FAM135B: variants seen among roughly 807,000 people sequenced by gnomAD.
The protein encoded by FAM135B is family with sequence similarity 135 member B, also known as protein FAM135B.
Under a neutral mutation model 127.7 loss-of-function variants are expected in FAM135B, and 43 were observed. The ratio of observed to expected loss-of-function variants is 0.34; its 90% CI spans 0.26 to 0.43. The LOEUF is 0.43. Among genes scored for constraint, FAM135B ranks in the 20% least tolerant of loss-of-function variants. FAM135B has a pLI of 1.00. For missense variants in FAM135B, 1,558 were observed against 1,725.6 expected (o/e 0.90, Z 1.72); for synonymous variants, 670 against 665.1 (o/e 1.01, Z -0.11).
intron 12 of FAM135B, among the ~76,000 whole-genome samples, chr8:138,158,092 A>G (rs1026360588): frequency 1.3e-5 from 2 of 152,228 alleles, no homozygotes; most frequent in East Asian, 1.9e-4. Flanking sequence ...TACTGGTACT[A>G]AAACAGAGAT....
At position 138,171,987 on chromosome 8, in the gene FAM135B, G is replaced by A. The variant is rs147809552; in HGVS notation, c.1104-3938C>T. 4.9e-3 allele frequency among the ~76,000 whole-genome samples: 747 copies of A among 152,286 alleles called. 2 individuals carry two copies. The highest frequency in any genetic ancestry group is 0.014 in the African/African-American group (594 of 41,558). ...GAGTGTAGCTGGGTGCATGCATGGT[G>A]CATATATGGGAATGTTATTGCTGCA... On this transcript the variant is annotated intron_variant, in intron 11 of 19. Transcript: ENST00000395297.
chr8:138,142,130 A>G (rs1263454448), intron 16 of FAM135B, among the ~76,000 whole-genome samples: 1 of 152,140 alleles, frequency 6.6e-6, no homozygotes, highest in Non-Finnish European at 1.5e-5. Context: ...GGGATAATGT[A>G]TATCAAGGGA....
At chr8:138,155,245 TGA>T (rs1271120041) in intron 12 of FAM135B, among the ~76,000 whole-genome samples, 1 of 152,160 alleles carries the variant, frequency 6.6e-6, no homozygotes, top group Non-Finnish European at 1.5e-5. Flanking sequence ...AAGCAAATGC[TGA>T]GAGATTTTGT....
intron 3 of FAM135B, among the ~76,000 whole-genome samples, chr8:138,290,018 A>C (rs1441338927): frequency 6.6e-6 from 1 of 152,158 alleles, no homozygotes; most frequent in East Asian, 1.9e-4. Flanking sequence ...GCCTAAAAAC[A>C]CTGTGTCAGG....
chr8:138,152,177 C>A lies in FAM135B; in HGVS notation c.2298G>T (p.Lys766Asn). ...EEDEREVALT[K>N]LTKSVSAPHI... The stretch of plus-strand genomic sequence containing the variant: ...GGGGAGCAGATACAGACTTGGTTAA[C>A]TTAGTGAGTGCCACCTCCCGCTCAT... The change falls in exon 13 of 20, where the codon AAG becomes AAT. Residue 766 changes from lysine (K) to asparagine (N), a missense_variant. Physicochemically the swap from Lys to Asn is moderately conservative, Grantham distance 94 (BLOSUM62 0). Around this residue, in one of 5 missense-constraint regions of FAM135B, gnomAD observed 923 missense variants for 865.3 expected, o/e 1.07. Transcript: ENST00000395297. 1 of 1,614,074 alleles carries A rather than the reference C, an allele frequency of 6.2e-7. No homozygotes were observed. Among genetic ancestry groups the A allele is most frequent in the South Asian group, 1.1e-5 (1 of 91,084 alleles).
At chr8:138,133,789 G>GGA (rs1450017262) in intron 19 of FAM135B, among the ~76,000 whole-genome samples, 1 of 152,116 alleles carries the variant, frequency 6.6e-6, no homozygotes, top group East Asian at 1.9e-4. Context: ...TATCAGCAGG[G>GGA]GAGAGTACTT....
At chr8:138,436,031 T>C (rs111513687) in intron 1 of FAM135B, among the ~76,000 whole-genome samples, 71 of 152,316 alleles carry the variant, frequency 4.7e-4, no homozygotes, top group African/African-American at 1.5e-3. Context: ...TGACAGCCTA[T>C]GTGCTCCATT....
chr8:138,162,816 C>T (rs7007481), intron 12 of FAM135B, among the ~76,000 whole-genome samples: 3 of 152,022 alleles, frequency 2.0e-5, no homozygotes, highest in Non-Finnish European at 4.4e-5. Flanking sequence ...GGGTGTATGA[C>T]GTCAGACAGA....
At chr8:138,276,325 C>T (rs1449089404) in intron 3 of FAM135B, among the ~76,000 whole-genome samples, 2 of 152,196 alleles carry the variant, frequency 1.3e-5, no homozygotes, top group African/African-American at 4.8e-5. Context: ...GCAGTGTCCC[C>T]ACCCAGTCAC....
intron 3 of FAM135B, among the ~76,000 whole-genome samples, chr8:138,295,434 G>A (rs1825414715): frequency 6.6e-6 from 1 of 152,138 alleles, no homozygotes; most frequent in Non-Finnish European, 1.5e-5. Flanking sequence ...TGGGAAGAGA[G>A]AGGAATAAAA....
chr8:138,256,523 C>T (rs1241022598), intron 5 of FAM135B, among the ~76,000 whole-genome samples, 166 bp downstream of exon 5: 1 of 152,184 alleles, frequency 6.6e-6, no homozygotes, highest in Non-Finnish European at 1.5e-5. Flanking sequence ...AATGACCACA[C>T]AAACTTTCTT....
chr8:138,437,668 G>C (rs966840068), intron 1 of FAM135B: 5 of 152,178 alleles, frequency 3.3e-5, no homozygotes, highest in Non-Finnish European at 5.9e-5. Flanking sequence ...TGCAGGACCC[G>C]TGACAAGTGG....
At chr8:138,316,929 G>A (rs1311474024) in intron 2 of FAM135B, among the ~76,000 whole-genome samples, 5 of 151,486 alleles carry the variant, frequency 3.3e-5, no homozygotes, top group African/African-American at 1.2e-4. Context: ...GCAGTGAGCC[G>A]TGACCGCACC....
chr8:138,233,874 C>T (rs143733314), intron 7 of FAM135B, among the ~76,000 whole-genome samples: 36 of 152,194 alleles, frequency 2.4e-4, no homozygotes, highest in African/African-American at 7.9e-4. Context: ...TGGCAAAGGA[C>T]TTGAATAGTC....
intron 7 of FAM135B, among the ~76,000 whole-genome samples, chr8:138,224,688 G>A (rs1023385108): frequency 3.3e-5 from 5 of 152,096 alleles, no homozygotes; most frequent in East Asian, 1.9e-4. Context: ...CCCAAAGTTC[G>A]TATGTTGAAG....
At chr8:138,215,074 G>C (rs1023533598) in intron 7 of FAM135B, among the ~76,000 whole-genome samples, 2 of 152,148 alleles carry the variant, frequency 1.3e-5, no homozygotes, top group Non-Finnish European at 2.9e-5. Context: ...AGACAACACA[G>C]ATTTTTCAAA....
intron 1 of FAM135B, among the ~76,000 whole-genome samples, chr8:138,401,413 A>G (rs892141470): frequency 3.9e-5 from 6 of 152,204 alleles, no homozygotes. Context: ...TTTCTGTCCT[A>G]CCAATGAAGA....
chr8:138,157,839 G>A (rs1248217839), intron 12 of FAM135B, among the ~76,000 whole-genome samples: 1 of 152,168 alleles, frequency 6.6e-6, no homozygotes, highest in Non-Finnish European at 1.5e-5. Context: ...CTCATGGATA[G>A]GAAGAATCAA....
chr8:138,368,559 A>G (rs1361457068), intron 1 of FAM135B, among the ~76,000 whole-genome samples: 2 of 152,196 alleles, frequency 1.3e-5, no homozygotes, highest in Non-Finnish European at 2.9e-5. Context: ...ATAATTTAAA[A>G]TGATTTTATC....
Sources: gnomAD v4.1 joint callset for allele counts (sites outside exome capture counted in the v4.1 genomes callset) on GRCh38, gnomAD v4.1.1 for gene constraint, gnomAD v4.1.1 regional missense constraint, MANE v1.5 for transcripts, NCBI Gene and HGNC (gene_info 2026-07-23, HGNC 2026-07-21) for gene names.